Variants in KAZN observed in about 807,000 individuals in gnomAD.
KAZN encodes the protein kazrin, periplakin interacting protein, also known as kazrin.
A neutral mutation model predicts 87.4 loss-of-function variants in KAZN; 40 were observed. That is an observed-to-expected ratio of 0.46 (90% CI 0.36 to 0.60). KAZN has a LOEUF of 0.60. KAZN is among the 20% of genes least tolerant of loss of function. KAZN has a pLI of 0.00. For missense variants in KAZN, 898 were observed against 1,073.9 expected (o/e 0.84, Z 2.29); for synonymous variants, 466 against 458.3 (o/e 1.02, Z -0.22).
chr1:14,124,786 A>C (rs1388735366), intron 1 of KAZN, among the ~76,000 whole-genome samples: 1 of 152,166 alleles, frequency 6.6e-6, no homozygotes, highest in Non-Finnish European at 1.5e-5. Flanking sequence ...TTCCATTCAG[A>C]AAGTGTGCAC....
At chr1:14,499,786 C>T (rs866941055) in intron 2 of KAZN, among the ~76,000 whole-genome samples, 1 of 152,154 alleles carries the variant, frequency 6.6e-6, no homozygotes, top group Non-Finnish European at 1.5e-5. Context: ...GCTTGGGCCT[C>T]AGTTGTACTC....
At chr1:15,095,314 G>A (rs1250871721) in intron 10 of KAZN, among the ~76,000 whole-genome samples, 8 of 151,960 alleles carry the variant, frequency 5.3e-5, no homozygotes, top group Non-Finnish European at 8.8e-5. Context: ...ACAGGGTGAG[G>A]AAAAACGGTG....
intron 2 of KAZN, among the ~76,000 whole-genome samples, chr1:14,386,811 G>A (rs896192356): frequency 6.6e-6 from 1 of 151,984 alleles, no homozygotes; most frequent in African/African-American, 2.4e-5. Flanking sequence ...CTCTTCTCAA[G>A]GAGTATCTTT....
chr1:14,409,628 G>GAGACATGCACCT (rs1553168164), intron 2 of KAZN, among the ~76,000 whole-genome samples: 3 of 152,142 alleles, frequency 2.0e-5, no homozygotes, highest in Non-Finnish European at 4.4e-5. Flanking sequence ...AACGGCCAGA[G>GAGACATGCACCT]AGACATGCAC....
chr1:14,662,202 GCGGC>G (rs949124121), intron 1 of KAZN, among the ~76,000 whole-genome samples: 6 of 152,158 alleles, frequency 3.9e-5, no homozygotes, highest in Non-Finnish European at 8.8e-5. Context: ...GCTTTAGCCA[GCGGC>G]CGGCAGGACT....
At position 14,534,629 on chromosome 1, in the gene KAZN, A is replaced by T. The variant is rs2148485879; in HGVS notation, c.250-64354A>T. Among the ~76,000 whole-genome samples, 4 of 152,280 alleles carry T rather than the reference A, an allele frequency of 2.6e-5. 1 individual carries two copies. In the South Asian group the frequency reaches 8.3e-4, roughly 32 times the overall value. On this transcript the variant is annotated intron_variant, in intron 2 of 16. Coordinates refer to the KAZN transcript ENST00000636203. ...CACTGCACTCCAGCCTGGGAGCCAG[A>T]GCGAGACTCCATCTCAAAAAAATAA...
At chr1:14,095,566 G>A (rs1376792148) in intron 1 of KAZN, among the ~76,000 whole-genome samples, 1 of 152,144 alleles carries the variant, frequency 6.6e-6, no homozygotes, top group African/African-American at 2.4e-5. Context: ...AAAGGCTTAA[G>A]GTTGACTCAA....
At position 14,773,439 on chromosome 1, in the gene KAZN, A is replaced by G. The variant is rs1015011747; in HGVS notation, c.226+174216A>G. Among the ~76,000 whole-genome samples the G allele has an allele frequency of 6.6e-6, 1 of 152,112 alleles. No individual in the cohort carries two copies. Reference sequence around the variant, plus strand: ...TTGTAGCATTTTCAACTCTGCCTCAAATCAACTCTGCACTAAGGTGTGAAA... The same window carrying G: ...TTGTAGCATTTTCAACTCTGCCTCAGATCAACTCTGCACTAAGGTGTGAAA... On this transcript the variant is annotated intron_variant, in intron 1 of 14. Coordinates refer to ENST00000376030, the MANE Select transcript of KAZN (RefSeq NM_201628.3). This position sits in a 1 kb window ranked among gnomAD's most constrained non-coding sequence, Gnocchi z 5.9.
At chr1:14,883,346 GAAAGAAAGAAAAGAAAGAA>G (rs1426608434) in intron 1 of KAZN, among the ~76,000 whole-genome samples, 1 of 32,490 alleles carries the variant, frequency 3.1e-5, no homozygotes, top group Non-Finnish European at 6.4e-5. Context: ...GAGAGAGAAA[GAAAGAAAGAAAAGAAAGAA>G]AGAAAGAAAG....
At chr1:14,547,187 C>T (rs1192698048) in intron 2 of KAZN, among the ~76,000 whole-genome samples, 5 of 152,170 alleles carry the variant, frequency 3.3e-5, no homozygotes, top group African/African-American at 2.4e-5. Context: ...AATAGAATGA[C>T]ATTTTTTTTT....
At chr1:14,789,621 C>T (rs984181692) in intron 1 of KAZN, among the ~76,000 whole-genome samples, 3 of 151,916 alleles carry the variant, frequency 2.0e-5, no homozygotes, top group Non-Finnish European at 4.4e-5. Context: ...GACCTGGTCC[C>T]CCTTTGGGCC....
intron 2 of KAZN, among the ~76,000 whole-genome samples, chr1:14,408,917 C>T (rs947127712): frequency 1.5e-4 from 22 of 150,764 alleles, no homozygotes; most frequent in African/African-American, 5.1e-4. Flanking sequence ...GGAGGGGGGG[C>T]GTTGTTTTAT....
chr1:14,547,354 G>T (rs1047464640), intron 2 of KAZN, among the ~76,000 whole-genome samples: 30 of 152,246 alleles, frequency 2.0e-4, no homozygotes, highest in African/African-American at 7.2e-4. Context: ...TCTATACAAG[G>T]TAAGGCCTGA....
chr1:14,727,156 G>A (rs950664151), intron 1 of KAZN, among the ~76,000 whole-genome samples: 60 of 151,986 alleles, frequency 3.9e-4, no homozygotes, highest in African/African-American at 5.1e-4. Flanking sequence ...AATTTTCCCC[G>A]AAAAAGTGTT....
chr1:14,030,504 G>A (rs999670408), intron 1 of KAZN, among the ~76,000 whole-genome samples: 2 of 151,904 alleles, frequency 1.3e-5, no homozygotes, highest in Non-Finnish European at 2.9e-5. Context: ...TGGGTGCAGC[G>A]CACCCGCATG....
chr1:14,074,326 C>T (rs1643361055), intron 1 of KAZN, among the ~76,000 whole-genome samples: 1 of 152,170 alleles, frequency 6.6e-6, no homozygotes, highest in South Asian at 2.1e-4. Flanking sequence ...TGTGCCACCT[C>T]ACAAGGAGCC....
Position 14,460,950 on chromosome 1 carries a change from A to G in KAZN, c.250-138033A>G, listed in dbSNP as rs140782507. 3.7e-3 allele frequency among the ~76,000 whole-genome samples: 562 copies of G among 152,310 alleles called. 3 individuals carry two copies. The highest frequency in any genetic ancestry group is 0.013 in the African/African-American group (536 of 41,564). ...AAGAACTTTCCTGAGCCCATGCAGC[A>G]TGCTAAGGACAGAGGCCAGGCTCAA... On this transcript the variant is annotated intron_variant, in intron 2 of 16. Transcript: ENST00000636203.
intron 1 of KAZN, among the ~76,000 whole-genome samples, chr1:14,805,707 G>A (rs1646189384): frequency 6.6e-6 from 1 of 151,650 alleles, no homozygotes; most frequent in Admixed American, 6.6e-5. Context: ...GTTGCAGTGA[G>A]CAGAGATCGC....
chr1:14,637,507 C>T (rs1312106048), intron 1 of KAZN, among the ~76,000 whole-genome samples: 3 of 152,104 alleles, frequency 2.0e-5, no homozygotes, highest in African/African-American at 7.2e-5. Flanking sequence ...ACTAAAGATC[C>T]TATCCTTTTG....
Sources: allele counts gnomAD v4.1 joint callset (sites outside exome capture counted in the v4.1 genomes callset), GRCh38; gene constraint gnomAD v4.1.1; non-coding constraint Gnocchi (gnomAD v3.1); transcripts MANE v1.5; gene names NCBI Gene and HGNC (gene_info 2026-07-23, HGNC 2026-07-21).